Variants in RBMS3 observed in about 807,000 individuals in gnomAD.
The protein encoded by RBMS3 is RNA-binding motif, single-stranded-interacting protein 3.
A neutral mutation model predicts 66.8 loss-of-function variants in RBMS3; 27 were observed. The observed-to-expected ratio is 0.40, with a 90% CI of 0.30 to 0.56. The LOEUF (loss-of-function observed/expected upper bound fraction) is 0.56. Among genes scored for constraint, RBMS3 ranks in the 20% least tolerant of loss-of-function variants. The pLI, the probability that RBMS3 is intolerant of heterozygous loss-of-function variation, is 0.40. For synonymous variants in RBMS3, 188 were observed against 183.0 expected (o/e 1.03, Z -0.22); for missense variants, 513 against 549.5 (o/e 0.93, Z 0.66).
At chr3:29,736,709 C>T (rs2054394930) in intron 4 of RBMS3, among the ~76,000 whole-genome samples, 1 of 152,114 alleles carries the variant, frequency 6.6e-6, no homozygotes, top group Non-Finnish European at 1.5e-5. Context: ...ACATGTGGGA[C>T]TCAGAAATCA....
intron 4 of RBMS3, among the ~76,000 whole-genome samples, chr3:29,678,662 A>G (rs1407673925): frequency 6.6e-6 from 1 of 152,168 alleles, no homozygotes; most frequent in African/African-American, 2.4e-5. Context: ...TTGACAAAAA[A>G]TATTTTGTCA....
chr3:29,305,570 T>C (rs2125454675), intron 1 of RBMS3, among the ~76,000 whole-genome samples: 1 of 152,026 alleles, frequency 6.6e-6, no homozygotes, highest in African/African-American at 2.4e-5. Context: ...AAAATGGATC[T>C]ACCCAACTTA....
chr3:29,401,716 A>G (rs974444276), intron 1 of RBMS3, among the ~76,000 whole-genome samples: 1 of 152,064 alleles, frequency 6.6e-6, no homozygotes, highest in African/African-American at 2.4e-5. Flanking sequence ...TTCTTTTCAA[A>G]TACTGCTGAT....
At chr3:29,460,693 T>C (rs1436169134) in intron 2 of RBMS3, among the ~76,000 whole-genome samples, 1 of 152,226 alleles carries the variant, frequency 6.6e-6, no homozygotes, top group Non-Finnish European at 1.5e-5. Flanking sequence ...TAATGCTTAA[T>C]TTCTTTTGTA....
intron 5 of RBMS3, among the ~76,000 whole-genome samples, chr3:29,744,842 T>C (rs532832033): frequency 6.6e-6 from 1 of 152,062 alleles, no homozygotes; most frequent in African/African-American, 2.4e-5. Context: ...AATAATTGTG[T>C]CTAGTAAATT....
At chr3:29,998,281 G>A (rs1233871824) in intron 14 of RBMS3, among the ~76,000 whole-genome samples, 1 of 152,024 alleles carries the variant, frequency 6.6e-6, no homozygotes, top group African/African-American at 2.4e-5. Flanking sequence ...CAAACAAATG[G>A]AAGAACATTC....
At chr3:29,612,531 T>A (rs1361195184) in intron 4 of RBMS3, among the ~76,000 whole-genome samples, 3 of 152,070 alleles carry the variant, frequency 2.0e-5, no homozygotes, top group Non-Finnish European at 4.4e-5. Context: ...GAGGTGGGTC[T>A]AAGGGAATAT....
At chr3:29,993,679 TTCCTGCCTTTG>T (rs1478575204) in intron 14 of RBMS3, among the ~76,000 whole-genome samples, 1 of 152,212 alleles carries the variant, frequency 6.6e-6, no homozygotes, top group Non-Finnish European at 1.5e-5. Context: ...CATTGGTCTT[TTCCTGCCTTTG>T]AACTTAAACA....
chr3:29,320,559 G>GA (rs1275036969), intron 1 of RBMS3, among the ~76,000 whole-genome samples: 2 of 151,870 alleles, frequency 1.3e-5, no homozygotes, highest in African/African-American at 4.8e-5. Context: ...TTAATCCCGA[G>GA]AAAAACAGTC....
chr3:29,542,128 A>T (rs375639700), intron 3 of RBMS3, among the ~76,000 whole-genome samples: 19 of 152,176 alleles, frequency 1.2e-4, no homozygotes, highest in Non-Finnish European at 2.8e-4. Context: ...TATGTCCAGG[A>T]TGTAGAACAT....
chr3:29,794,330 T>TA (rs1268974665), intron 6 of RBMS3, among the ~76,000 whole-genome samples: 1 of 152,160 alleles, frequency 6.6e-6, no homozygotes, highest in Non-Finnish European at 1.5e-5. Flanking sequence ...CTCACGCCTG[T>TA]AATCCCAGCA....
At chr3:29,339,320 A>G (rs1382988411) in intron 1 of RBMS3, among the ~76,000 whole-genome samples, 2 of 152,214 alleles carry the variant, frequency 1.3e-5, no homozygotes, top group Non-Finnish European at 2.9e-5. Flanking sequence ...GGGCGGGAGC[A>G]TTAAAGTGTG....
intron 6 of RBMS3, among the ~76,000 whole-genome samples, chr3:29,805,544 T>A (rs1254983331): frequency 6.6e-6 from 1 of 151,956 alleles, no homozygotes; most frequent in African/African-American, 2.4e-5. Flanking sequence ...GGACAAGACG[T>A]GGAGAGCAAA....
intron 1 of RBMS3, among the ~76,000 whole-genome samples, chr3:29,315,739 A>T (rs536435167): frequency 6.6e-6 from 1 of 151,816 alleles, no homozygotes; most frequent in East Asian, 1.9e-4. Context: ...ACTAGTTGCT[A>T]TATTTTGGTA....
In RBMS3 at chr3:29,429,596, A is replaced by C. The variant is rs536791351; in HGVS notation, c.76-5147A>C. On this transcript the variant is annotated intron_variant, in intron 1 of 14. Coordinates refer to ENST00000383767, the MANE Select transcript of RBMS3 (RefSeq NM_001003793.3). ...GAATGTGCCATTTCCACCGCTTCTA[A>C]GCTGACACTGCAAATTCATAGCAAC... Among the ~76,000 whole-genome samples, 13 of 152,304 alleles carry C rather than the reference A, an allele frequency of 8.5e-5. No homozygotes were observed. In the East Asian group the frequency reaches 2.3e-3, roughly 27 times the overall value.
chr3:29,466,788 G>GT (rs1000343984), intron 2 of RBMS3, among the ~76,000 whole-genome samples: 4 of 151,830 alleles, frequency 2.6e-5, no homozygotes, highest in Admixed American at 6.6e-5. Context: ...TTGGCCTTAT[G>GT]TTTTTTTTCT....
chr3:29,286,740 T>G (rs998889939), intron 1 of RBMS3, among the ~76,000 whole-genome samples: 2 of 152,126 alleles, frequency 1.3e-5, no homozygotes, highest in Admixed American at 6.5e-5. Context: ...AGTATGATTT[T>G]ACACAACCTT....
At chr3:29,565,657 G>A (rs955209472) in intron 3 of RBMS3, among the ~76,000 whole-genome samples, 1 of 152,026 alleles carries the variant, frequency 6.6e-6, no homozygotes, top group African/African-American at 2.4e-5. Flanking sequence ...AAATCCTATA[G>A]CATAAATCTC....
At chr3:29,864,580 C>T (rs2059297833) in intron 6 of RBMS3, among the ~76,000 whole-genome samples, 2 of 152,076 alleles carry the variant, frequency 1.3e-5, no homozygotes, top group South Asian at 4.1e-4. Context: ...GAAAATAAAG[C>T]TTAAACGTTC....
Sources: allele counts gnomAD v4.1 joint callset (sites outside exome capture counted in the v4.1 genomes callset), GRCh38; gene constraint gnomAD v4.1.1; transcripts MANE v1.5; gene names NCBI Gene and HGNC (gene_info 2026-07-23, HGNC 2026-07-21).